Variants in SYNJ2 observed in about 807,000 individuals in gnomAD.
SYNJ2 encodes synaptojanin 2.
Under a neutral mutation model 141.3 loss-of-function variants are expected in SYNJ2, and 116 were observed. The observed-to-expected ratio is 0.82, with a 90% CI of 0.71 to 0.96. SYNJ2 has a LOEUF of 0.96. Among genes scored for constraint, SYNJ2 ranks in the 40% least tolerant of loss-of-function variants. SYNJ2 has a pLI of 0.00. For missense variants in SYNJ2, 1,873 were observed against 1,934.8 expected (o/e 0.97, Z 0.60); for synonymous variants, 745 against 777.7 (o/e 0.96, Z 0.70).
intron 5 of SYNJ2, among the ~76,000 whole-genome samples, chr6:158,045,376 C>T (rs1208466488): frequency 2.6e-5 from 4 of 152,140 alleles, no homozygotes; most frequent in Non-Finnish European, 5.9e-5. Flanking sequence ...TCCCAAAGTG[C>T]TGGGATTACA....
At chr6:158,039,940 A>G (rs1779850974) in intron 4 of SYNJ2, among the ~76,000 whole-genome samples, 1 of 152,178 alleles carries the variant, frequency 6.6e-6, no homozygotes, top group Admixed American at 6.5e-5. Context: ...TGGAGCGTGC[A>G]CACAGGCGGC....
Position 157,982,168 on chromosome 6 carries a change from C to G in SYNJ2, c.127+80C>G, listed in dbSNP as rs576246116. Reference sequence around the variant, plus strand: ...CAGCCTCGGGAAGACGGGTACCCCCCCTTCCCGAGGGGATCGGGCGGCGCT... The same window carrying G: ...CAGCCTCGGGAAGACGGGTACCCCCGCTTCCCGAGGGGATCGGGCGGCGCT... On this transcript the variant is annotated intron_variant, in intron 1 of 26. Transcript: ENST00000355585. This position sits in a 1 kb window ranked among gnomAD's most constrained non-coding sequence, Gnocchi z 4.0. The G allele has an allele frequency of 7.2e-5, 90 of 1,250,968 alleles. 1 individual carries two copies. In the South Asian group the frequency reaches 1.4e-3, roughly 19 times the overall value. The allele number at this position is 1,250,968 out of a possible 1,614,324, so 77.5% of individuals were successfully genotyped here.
At chr6:158,092,581 TAGTG>T (rs1201105331) in intron 25 of SYNJ2, among the ~76,000 whole-genome samples, 2 of 152,010 alleles carry the variant, frequency 1.3e-5, no homozygotes, top group Non-Finnish European at 2.9e-5. Flanking sequence ...TCCAGCAACA[TAGTG>T]AGACCTCATC....
chr6:158,048,686 G>A (rs916681124), intron 5 of SYNJ2, among the ~76,000 whole-genome samples: 6 of 152,186 alleles, frequency 3.9e-5, no homozygotes, highest in East Asian at 1.9e-4. Flanking sequence ...GGAACCACTC[G>A]GTGCTGTGCT....
chr6:158,069,083 C>A (rs971374961), intron 13 of SYNJ2, among the ~76,000 whole-genome samples: 1 of 152,076 alleles, frequency 6.6e-6, no homozygotes, highest in Admixed American at 6.5e-5. Context: ...GTAGTTGACT[C>A]ATGTTTCCTG....
rs1583443606 is a variant in SYNJ2 at position 158,064,630 on chromosome 6, G to A, written c.1239G>A (p.Gly413=). The A allele has an allele frequency of 2.5e-6, 4 of 1,614,014 alleles. No individual in the cohort carries two copies. Among genetic ancestry groups the A allele is most frequent in the Non-Finnish European group, 3.4e-6 (4 of 1,180,028 alleles). The change falls in exon 10 of 27, where the codon GGG becomes GGA. Residue 413 remains glycine (G), a synonymous_variant. Coordinates refer to ENST00000355585, the MANE Select transcript of SYNJ2 (RefSeq NM_003898.4). ...EVLHLQLKTL[G]LSSKPIVDRF... is the part of the protein sequence containing the mutation. The stretch of plus-strand genomic sequence containing the variant: ...TGCATCTGCAGCTCAAGACCCTGGG[G>A]CTGAGTTCAAAACCCATCGTTGACC...
chr6:158,063,161 G>A (rs77700058), intron 8 of SYNJ2, among the ~76,000 whole-genome samples: 2,534 of 152,256 alleles, frequency 0.017, 67 homozygotes, highest in African/African-American at 0.054. Context: ...CCCTAGGAGC[G>A]ATGGTTCTGT....
At position 158,071,907 on chromosome 6, in the gene SYNJ2, G is replaced by A; in HGVS notation, c.2133+113G>A. 2 of 1,266,916 alleles carry A rather than the reference G, an allele frequency of 1.6e-6. No individual in the cohort carries two copies. The highest frequency in any genetic ancestry group is 2.2e-6 in the Non-Finnish European group (2 of 927,814). The allele number at this position is 1,266,916 out of a possible 1,614,324, so 78.5% of individuals were successfully genotyped here. On this transcript the variant is annotated intron_variant, in intron 15 of 26. Transcript: ENST00000355585. This position sits in a 1 kb window ranked among gnomAD's most constrained non-coding sequence, Gnocchi z 4.3. ...CAACCACAGGGAGGGCCCCTTCCTG[G>A]AGGGCTCAGCGCTGGGGGAGGGGGA...
intron 1 of SYNJ2, among the ~76,000 whole-genome samples, chr6:158,006,678 TTTG>T (rs1291297484): frequency 6.6e-6 from 1 of 152,248 alleles, no homozygotes; most frequent in African/African-American, 2.4e-5. Flanking sequence ...CCAGCTAATT[TTTG>T]TTGTTGTTTG....
intron 4 of SYNJ2, among the ~76,000 whole-genome samples, chr6:158,039,788 TA>T (rs1327412595): frequency 1.3e-5 from 2 of 151,722 alleles, no homozygotes; most frequent in Non-Finnish European, 2.9e-5. Context: ...TTGAGGAAAT[TA>T]GTGCTGAGCC....
chr6:158,069,054 C>T (rs959276299), intron 13 of SYNJ2, among the ~76,000 whole-genome samples: 2 of 151,908 alleles, frequency 1.3e-5, no homozygotes, highest in East Asian at 1.9e-4. Flanking sequence ...AGGGGAAGGG[C>T]GGGGCTGGGA....
At chr6:158,008,695 GTGTC>G (rs1024562995) in intron 1 of SYNJ2, among the ~76,000 whole-genome samples, 4 of 152,334 alleles carry the variant, frequency 2.6e-5, no homozygotes, top group South Asian at 4.1e-4. Flanking sequence ...GTGTGTATGT[GTGTC>G]TGTCTGTCTG....
intron 1 of SYNJ2, among the ~76,000 whole-genome samples, chr6:158,000,053 A>G (rs1777778952): frequency 1.4e-5 from 2 of 141,504 alleles, no homozygotes; most frequent in African/African-American, 5.3e-5. Context: ...GGTTCTCACC[A>G]AGCCAAAAGG....
intron 1 of SYNJ2, among the ~76,000 whole-genome samples, chr6:157,986,483 A>G (rs923384273): frequency 2.0e-5 from 3 of 152,024 alleles, no homozygotes; most frequent in Non-Finnish European, 4.4e-5. Context: ...ACAGGCATGC[A>G]CCACCACGCC....
At chr6:158,060,672 T>C (rs1267637202) in intron 7 of SYNJ2, among the ~76,000 whole-genome samples, 1 of 152,228 alleles carries the variant, frequency 6.6e-6, no homozygotes, top group Non-Finnish European at 1.5e-5. Flanking sequence ...CCACCCATCT[T>C]GGCAGTGATG....
intron 4 of SYNJ2, among the ~76,000 whole-genome samples, chr6:158,038,801 T>G (rs1779776231): frequency 6.6e-6 from 1 of 152,196 alleles, no homozygotes; most frequent in Non-Finnish European, 1.5e-5. Flanking sequence ...ATAGGTGGTG[T>G]TCGGCTGGTG....
At chr6:158,090,557 T>G in intron 25 of SYNJ2, among the ~76,000 whole-genome samples, 1 of 149,582 alleles carries the variant, frequency 6.7e-6, no homozygotes, top group African/African-American at 2.5e-5. Context: ...TTTTTTTTTT[T>G]TTTTTGAGAC....
At chr6:158,075,179 G>A (rs1782198183) in intron 16 of SYNJ2, among the ~76,000 whole-genome samples, 1 of 151,778 alleles carries the variant, frequency 6.6e-6, no homozygotes, top group Non-Finnish European at 1.5e-5. Context: ...TGATCTGTGC[G>A]CCTCAGCCTC....
intron 20 of SYNJ2, among the ~76,000 whole-genome samples, chr6:158,081,761 G>A (rs1374574596): frequency 5.3e-5 from 8 of 151,610 alleles, no homozygotes; most frequent in Admixed American, 3.3e-4. Flanking sequence ...AGCTGGGACC[G>A]CAGGCACGTG....
Sources: gnomAD v4.1 joint callset for allele counts (sites outside exome capture counted in the v4.1 genomes callset) on GRCh38, gnomAD v4.1.1 for gene constraint, Gnocchi (gnomAD v3.1) non-coding constraint, MANE v1.5 for transcripts, NCBI Gene and HGNC (gene_info 2026-07-23, HGNC 2026-07-21) for gene names.